Variants in PRICKLE1 observed in about 807,000 individuals in gnomAD.
The protein encoded by PRICKLE1 is prickle-like protein 1.
A neutral mutation model predicts 70.2 loss-of-function variants in PRICKLE1; 14 were observed. The observed-to-expected ratio is 0.20, with a 90% confidence interval of 0.13 to 0.31. The LOEUF (loss-of-function observed/expected upper bound fraction) is 0.31. PRICKLE1 is among the 10% of genes least tolerant of loss of function. The pLI is 1.00. For missense variants in PRICKLE1, 821 were observed against 1,026.2 expected, an observed-to-expected ratio of 0.80 and a Z score of 2.73; for synonymous variants, 357 against 379.9, an observed-to-expected ratio of 0.94 and a Z score of 0.70.
At chr12:42,501,434 C>T (rs994514827) in intron 1 of PRICKLE1, among the ~76,000 whole-genome samples, 5 of 138,926 alleles carry the variant, frequency 3.6e-5, no homozygotes, top group African/African-American at 1.1e-4. Flanking sequence ...CGCTTGAACC[C>T]GGGAAGGGGA....
intron 1 of PRICKLE1, among the ~76,000 whole-genome samples, chr12:42,498,697 GC>G (rs1939253232): frequency 6.6e-6 from 1 of 152,198 alleles, no homozygotes. Flanking sequence ...TTACAAAGAA[GC>G]CCGTCCATTT....
At chr12:42,483,566 G>A (rs997379899) in intron 1 of PRICKLE1, 1 of 152,036 alleles carries the variant, frequency 6.6e-6, no homozygotes, top group Non-Finnish European at 1.5e-5. Context: ...CTCATTTCCG[G>A]AGGAGACCCC....
intron 1 of PRICKLE1, among the ~76,000 whole-genome samples, chr12:42,560,806 ACACACACACAC>A (rs1940500506): frequency 6.6e-6 from 1 of 151,014 alleles, no homozygotes; most frequent in African/African-American, 2.4e-5. Flanking sequence ...ACACACACAC[ACACACACACAC>A]AAAACAAAAA....
chr12:42,482,290 C>T (rs1342244248), intron 1 of PRICKLE1, among the ~76,000 whole-genome samples: 3 of 152,262 alleles, frequency 2.0e-5, no homozygotes, highest in Admixed American at 2.0e-4. Context: ...TGGTCCTCCG[C>T]CAGCGCGGCG....
At chr12:42,541,257 C>A (rs1940108780) in intron 1 of PRICKLE1, among the ~76,000 whole-genome samples, 1 of 152,036 alleles carries the variant, frequency 6.6e-6, no homozygotes, top group Admixed American at 6.6e-5. Flanking sequence ...TTACTCAGAT[C>A]ACAAAGAAGA....
At chr12:42,506,404 C>T (rs34817337) in intron 1 of PRICKLE1, among the ~76,000 whole-genome samples, 25,858 of 150,064 alleles carry the variant, frequency 0.17, 2,973 homozygotes, top group African/African-American at 0.31. Context: ...TTATAGGCAC[C>T]CACCACCACT....
chr12:42,572,866 A>G (rs1940741695), intron 1 of PRICKLE1, among the ~76,000 whole-genome samples: 1 of 152,158 alleles, frequency 6.6e-6, no homozygotes, highest in Non-Finnish European at 1.5e-5. Flanking sequence ...ACCCATTCCT[A>G]TTCTAACCAC....
At chr12:42,477,600 A>G (rs1178666291) in intron 1 of PRICKLE1, among the ~76,000 whole-genome samples, 1 of 150,514 alleles carries the variant, frequency 6.6e-6, no homozygotes, top group Non-Finnish European at 1.5e-5. Flanking sequence ...GTAGCACAGA[A>G]GGAAGAAGGG....
intron 1 of PRICKLE1, among the ~76,000 whole-genome samples, chr12:42,535,674 T>C (rs1014734934): frequency 6.6e-6 from 1 of 152,068 alleles, no homozygotes; most frequent in South Asian, 2.1e-4. Context: ...GTCCCAGCTA[T>C]TGGGGAGGTC....
At chr12:42,565,962 CAT>C (rs1940614783) in intron 1 of PRICKLE1, among the ~76,000 whole-genome samples, 2 of 152,144 alleles carry the variant, frequency 1.3e-5, no homozygotes, top group South Asian at 4.1e-4. Context: ...GGACAGGAAA[CAT>C]GTGATTGTAC....
intron 1 of PRICKLE1, among the ~76,000 whole-genome samples, chr12:42,556,759 C>T (rs185485560): frequency 1.3e-5 from 2 of 152,116 alleles, no homozygotes; most frequent in African/African-American, 4.8e-5. Context: ...TATGTACATG[C>T]CTGATGGGGT....
chr12:42,572,832 GA>G (rs1228504501), intron 1 of PRICKLE1, among the ~76,000 whole-genome samples: 1 of 151,706 alleles, frequency 6.6e-6, no homozygotes, highest in Non-Finnish European at 1.5e-5. Flanking sequence ...TGTCTCAAAG[GA>G]AAAAAAATTT....
chr12:42,524,661 C>T (rs1187580146), intron 1 of PRICKLE1: 2 of 152,174 alleles, frequency 1.3e-5, no homozygotes, highest in East Asian at 1.9e-4. Flanking sequence ...CCACCAGCCT[C>T]GGCCTCCCAA....
intron 1 of PRICKLE1, among the ~76,000 whole-genome samples, chr12:42,490,977 T>C (rs929432558): frequency 1.3e-5 from 2 of 151,936 alleles, no homozygotes; most frequent in Non-Finnish European, 2.9e-5. Flanking sequence ...TCAGGCAATT[T>C]TCTTGTCTCA....
At chr12:42,564,269 A>ATG (rs1555240606) in intron 1 of PRICKLE1, among the ~76,000 whole-genome samples, 1 of 125,014 alleles carries the variant, frequency 8.0e-6, no homozygotes, top group Non-Finnish European at 1.6e-5. Flanking sequence ...AAAAAAAAAA[A>ATG]AAAGAAAAGA....
intron 1 of PRICKLE1, among the ~76,000 whole-genome samples, chr12:42,542,137 C>T (rs1940128938): frequency 6.6e-6 from 1 of 152,186 alleles, no homozygotes; most frequent in Non-Finnish European, 1.5e-5. Flanking sequence ...ACTCCCTCAT[C>T]ACTCTACGAA....
chr12:42,471,702 C>G (rs1236177179), intron 2 of PRICKLE1, among the ~76,000 whole-genome samples: 1 of 152,198 alleles, frequency 6.6e-6, no homozygotes, highest in East Asian at 1.9e-4. Context: ...ACTTTATTTT[C>G]AAATGATGCC....
chr12:42,552,227 C>T (rs151109118), intron 1 of PRICKLE1, among the ~76,000 whole-genome samples: 260 of 151,950 alleles, frequency 1.7e-3, no homozygotes, highest in African/African-American at 5.7e-3. Flanking sequence ...CCACCACGCC[C>T]GGCTAATTTT....
At chr12:42,474,233 C>T (rs1178601752) in intron 1 of PRICKLE1, among the ~76,000 whole-genome samples, 1 of 152,130 alleles carries the variant, frequency 6.6e-6, no homozygotes, top group Non-Finnish European at 1.5e-5. Context: ...GATTGCACCC[C>T]TGGACTCCAG....
Sources: gnomAD v4.1 joint callset for allele counts (sites outside exome capture counted in the v4.1 genomes callset) on GRCh38, gnomAD v4.1.1 for gene constraint, MANE v1.5 for transcripts, NCBI Gene and HGNC (gene_info 2026-07-23, HGNC 2026-07-21) for gene names.